PDE4D: variants seen among roughly 807,000 people sequenced by gnomAD.
The protein encoded by PDE4D is phosphodiesterase 4D, also known as 3',5'-cyclic-AMP phosphodiesterase 4D.
PDE4D carries 24 observed loss-of-function variants against 87.4 expected under a neutral mutation model. The ratio of observed to expected loss-of-function variants is 0.27; its 90% CI spans 0.20 to 0.39. The LOEUF is 0.39. Ranked by LOEUF, PDE4D falls within the 10% of genes least tolerant of loss-of-function variation. The pLI, the probability that PDE4D is intolerant of heterozygous loss-of-function variation, is 1.00. For synonymous variants in PDE4D, 384 were observed against 383.2 expected (o/e 1.00, Z -0.02); for missense variants, 714 against 1,041.0 (o/e 0.69, Z 4.32).
At position 59,611,244 on chromosome 5, in the gene PDE4D, A is replaced by G. The variant is rs140176938; in HGVS notation, c.455+281924T>C. Among the ~76,000 whole-genome samples the G allele has an allele frequency of 3.8e-3, 586 of 152,246 alleles. 1 individual carries two copies. The highest frequency in any genetic ancestry group is 0.014 in the African/African-American group (575 of 41,544). On this transcript the variant is annotated intron_variant, in intron 1 of 14. Coordinates refer to ENST00000340635, the MANE Select transcript of PDE4D (RefSeq NM_001104631.2). ...TGATGGACAACTATCTATTCACTGC[A>G]AGCTCACAAGGCTCAAGGGGAAAAG...
At chr5:59,020,831 T>C (rs1488745482) in intron 6 of PDE4D, among the ~76,000 whole-genome samples, 3 of 152,210 alleles carry the variant, frequency 2.0e-5, no homozygotes, top group East Asian at 1.9e-4. Context: ...GAATTCCTTC[T>C]CTTACCGGCT....
chr5:60,003,755 C>A (rs1028877684), intron 2 of PDE4D, among the ~76,000 whole-genome samples: 1 of 149,898 alleles, frequency 6.7e-6, no homozygotes, highest in African/African-American at 2.5e-5. Context: ...AAGTTGGAAG[C>A]GTCATACTCC....
intron 1 of PDE4D, among the ~76,000 whole-genome samples, chr5:59,259,551 C>T (rs957218979): frequency 1.3e-5 from 2 of 151,966 alleles, no homozygotes; most frequent in African/African-American, 2.4e-5. Context: ...TAAAGCCATA[C>T]AGAACATGGC....
At chr5:59,202,697 A>AT (rs1188424098) in intron 2 of PDE4D, among the ~76,000 whole-genome samples, 2 of 152,006 alleles carry the variant, frequency 1.3e-5, no homozygotes, top group South Asian at 2.1e-4. Context: ...ATGAGATCTA[A>AT]TTTTTTAAAA....
intron 1 of PDE4D, among the ~76,000 whole-genome samples, chr5:59,244,754 C>T (rs1758505657): frequency 7.1e-6 from 1 of 140,864 alleles, no homozygotes; most frequent in Non-Finnish European, 1.5e-5. Flanking sequence ...TCATCTGGCA[C>T]ATAATAGGAT....
In PDE4D at chr5:59,077,767, C is replaced by A. The variant is rs552537586; in HGVS notation, c.809-38796G>T. On this transcript the variant is annotated intron_variant, in intron 5 of 14. Coordinates refer to ENST00000340635, the MANE Select transcript of PDE4D (RefSeq NM_001104631.2). ...GCTGCAAGGATACACACCTTCCATT[C>A]CCACCCATCAGATACTTGTCTCCTT... Among the ~76,000 whole-genome samples the A allele has an allele frequency of 2.0e-5, 3 of 152,272 alleles. No individual in the cohort carries two copies. The East Asian group carries it at 5.8e-4, about 29-fold the overall frequency.
chr5:59,918,957 GT>G (rs1754374144), intron 3 of PDE4D, among the ~76,000 whole-genome samples: 1 of 152,142 alleles, frequency 6.6e-6, no homozygotes, highest in African/African-American at 2.4e-5. Context: ...TTTTTGAATA[GT>G]TGAAATATTC....
intron 1 of PDE4D, among the ~76,000 whole-genome samples, chr5:59,420,894 G>A (rs1359158593): frequency 6.6e-6 from 1 of 152,054 alleles, no homozygotes; most frequent in South Asian, 2.1e-4. Context: ...AGGGTAGCAG[G>A]GGGCAGGAGG....
intron 1 of PDE4D, among the ~76,000 whole-genome samples, chr5:59,620,142 T>C (rs1045784164): frequency 2.0e-5 from 3 of 151,780 alleles, no homozygotes; most frequent in Non-Finnish European, 4.4e-5. Flanking sequence ...AGAGACAGAG[T>C]TTTTATTGGG....
chr5:59,358,069 C>T (rs1781663163), intron 1 of PDE4D, among the ~76,000 whole-genome samples: 1 of 152,130 alleles, frequency 6.6e-6, no homozygotes, highest in Admixed American at 6.5e-5. Context: ...CTCTTGTACA[C>T]CAAGGGAGTC....
rs1767504809 is a variant in PDE4D, at chr5:59,085,488, T to C, written c.809-46517A>G. Among the ~76,000 whole-genome samples the C allele has an allele frequency of 3.3e-5, 5 of 152,228 alleles. No homozygotes were observed. In the South Asian group the frequency reaches 1.0e-3, roughly 32 times the overall value. ...CTATAGCCACTCAATAAATATTTGTTACTAATTTCAAAAAGTATGTATTAT... is the reference window on the plus strand; with the variant it reads ...CTATAGCCACTCAATAAATATTTGTCACTAATTTCAAAAAGTATGTATTAT... On this transcript the variant is annotated intron_variant, in intron 5 of 14. Coordinates refer to ENST00000340635, the MANE Select transcript of PDE4D (RefSeq NM_001104631.2).
At chr5:59,884,588 T>C (rs1749901759) in intron 1 of PDE4D, among the ~76,000 whole-genome samples, 1 of 152,052 alleles carries the variant, frequency 6.6e-6, no homozygotes, top group Admixed American at 6.5e-5. Flanking sequence ...TATACTATTA[T>C]ATGTAATATT....
At chr5:59,896,668 C>G (rs1275488122), upstream of PDE4D, among the ~76,000 whole-genome samples, 1 of 152,236 alleles carries the variant, frequency 6.6e-6, no homozygotes, top group Non-Finnish European at 1.5e-5. Flanking sequence ...GACTTACTCT[C>G]TCATTAAATG....
chr5:60,194,429 T>C (rs1294408634), intron 1 of PDE4D, among the ~76,000 whole-genome samples: 2 of 151,742 alleles, frequency 1.3e-5, no homozygotes, highest in Non-Finnish European at 2.9e-5. Context: ...TGTCTACATC[T>C]AAAATATGAG....
At chr5:59,773,348 C>A (rs1272263381) in intron 1 of PDE4D, among the ~76,000 whole-genome samples, 1 of 152,086 alleles carries the variant, frequency 6.6e-6, no homozygotes, top group African/African-American at 2.4e-5. Context: ...ATTATACAAA[C>A]CCAAAAGGAA....
Position 59,365,079 on chromosome 5 carries a change from T to C in PDE4D, c.456-149111A>G, listed in dbSNP as rs145272716. ...ACTGGGCTTAGGTTTATTTAAAGTA[T>C]CAGGGCAATAAGAAGAGAAGGAATA... On this transcript the variant is annotated intron_variant, in intron 1 of 14. Coordinates refer to ENST00000340635, the MANE Select transcript of PDE4D (RefSeq NM_001104631.2). 4.1e-3 allele frequency among the ~76,000 whole-genome samples: 627 copies of C among 152,192 alleles called. 8 individuals carry two copies. The highest frequency in any genetic ancestry group is 0.014 in the African/African-American group (597 of 41,524).
chr5:60,516,493 TATG>T (rs1366287303), intron 1 of PDE4D, among the ~76,000 whole-genome samples: 1 of 152,160 alleles, frequency 6.6e-6, no homozygotes, highest in Non-Finnish European at 1.5e-5. Flanking sequence ...CCCTTTCCCA[TATG>T]ATGTCTCTAG....
At chr5:60,122,455 TC>T (rs1778775205) in intron 2 of PDE4D, among the ~76,000 whole-genome samples, 1 of 152,228 alleles carries the variant, frequency 6.6e-6, no homozygotes, top group South Asian at 2.1e-4. Flanking sequence ...ATTCTTGACT[TC>T]TGTGCATCTG....
intron 1 of PDE4D, among the ~76,000 whole-genome samples, chr5:59,339,570 G>C (rs1184199185): frequency 6.6e-6 from 1 of 152,124 alleles, no homozygotes. Flanking sequence ...AGACGGTAAC[G>C]ATACATGCAA....
Sources: gnomAD v4.1 joint callset for allele counts (sites outside exome capture counted in the v4.1 genomes callset) on GRCh38, gnomAD v4.1.1 for gene constraint, MANE v1.5 for transcripts, NCBI Gene and HGNC (gene_info 2026-07-23, HGNC 2026-07-21) for gene names.